The following GPD2 variants were observed in gnomAD, a reference collection of about 807,000 sequenced individuals.
The protein encoded by GPD2 is glycerol-3-phosphate dehydrogenase 2, also known as glycerol-3-phosphate dehydrogenase, mitochondrial.
Under a neutral mutation model 82.4 loss-of-function variants are expected in GPD2, and 54 were observed. The ratio of observed to expected loss-of-function variants is 0.66; its 90% CI spans 0.53 to 0.82. GPD2 has a LOEUF of 0.82. Ranked by LOEUF, GPD2 falls within the 40% of genes least tolerant of loss-of-function variation. The pLI, the probability that GPD2 is intolerant of heterozygous loss-of-function variation, is 0.00. For synonymous variants in GPD2, 288 were observed against 306.1 expected, an observed-to-expected ratio of 0.94 and a Z score of 0.62; for missense variants, 748 against 896.2, an observed-to-expected ratio of 0.83 and a Z score of 2.11.
the GPD2 span, among the ~76,000 whole-genome samples, chr2:156,403,114 CAA>C: frequency 4.0e-4 from 27 of 67,870 alleles, 1 homozygote; most frequent in African/African-American, 1.3e-3. Flanking sequence ...GCCCCTGTCT[CAA>C]AAAAAAAAAA....
intron 1 of GPD2, among the ~76,000 whole-genome samples, chr2:156,459,006 A>AAT (rs56055627): frequency 0.022 from 3,347 of 150,038 alleles, 109 homozygotes; most frequent in African/African-American, 0.076. Context: ...TTAAAATAGA[A>AAT]ATATATATAT....
chr2:156,411,089 C>T, the GPD2 span, among the ~76,000 whole-genome samples: 1 of 152,124 alleles, frequency 6.6e-6, no homozygotes, highest in Non-Finnish European at 1.5e-5. Context: ...TGTTGTCTAA[C>T]TTGAACAGCA....
intron 1 of GPD2, among the ~76,000 whole-genome samples, chr2:156,470,661 C>A (rs909582039): frequency 1.3e-5 from 2 of 152,134 alleles, no homozygotes; most frequent in African/African-American, 4.8e-5. Context: ...TGCATAGTTG[C>A]CTTGCCTATG....
chr2:156,476,268 A>C (rs1292340663), intron 2 of GPD2, 61 bp downstream of exon 2: 1 of 899,674 alleles, frequency 1.1e-6, no homozygotes, highest in Admixed American at 1.7e-5. Flanking sequence ...AGAGCTGTCT[A>C]TGGGGAATGT....
chr2:156,523,359 G>C (rs1304384944), intron 6 of GPD2, among the ~76,000 whole-genome samples: 1 of 152,016 alleles, frequency 6.6e-6, no homozygotes, highest in African/African-American at 2.4e-5. Context: ...AGCTACCATT[G>C]ATTTTTAAGT....
intron 13 of GPD2, among the ~76,000 whole-genome samples, chr2:156,574,408 C>G (rs116293600): frequency 0.013 from 2,023 of 152,062 alleles, 44 homozygotes; most frequent in African/African-American, 0.046. Flanking sequence ...GGAGACAGAC[C>G]CAATTCTCAC....
intron 1 of GPD2, among the ~76,000 whole-genome samples, chr2:156,459,250 A>G (rs1682895734): frequency 6.6e-6 from 1 of 152,044 alleles, no homozygotes; most frequent in South Asian, 2.1e-4. Context: ...TGCTTTTTCA[A>G]GTCAGAGTGG....
At chr2:156,503,406 A>G (rs1186783975) in intron 3 of GPD2, among the ~76,000 whole-genome samples, 3 of 152,148 alleles carry the variant, frequency 2.0e-5, no homozygotes, top group African/African-American at 7.2e-5. Flanking sequence ...TTGAGTTTTA[A>G]TCTTATTTTT....
chr2:156,483,289 G>A (rs1247851537), intron 2 of GPD2, among the ~76,000 whole-genome samples: 1 of 152,178 alleles, frequency 6.6e-6, no homozygotes, highest in Non-Finnish European at 1.5e-5. Context: ...GTTGTAGCGT[G>A]TGTAGGTTAT....
intron 6 of GPD2, among the ~76,000 whole-genome samples, chr2:156,533,755 T>G (rs1295700073): frequency 6.6e-6 from 1 of 152,230 alleles, no homozygotes; most frequent in East Asian, 1.9e-4. Context: ...GGGAGAGTTC[T>G]CTGACCCCCC....
At position 156,583,827 on chromosome 2, in the gene GPD2, T is replaced by C. The variant is rs987283652; in HGVS notation, c.*909T>C. The C allele has an allele frequency of 6.6e-6, 1 of 152,516 alleles. No homozygotes were observed. Among genetic ancestry groups the C allele is most frequent in the Non-Finnish European group, 1.5e-5 (1 of 67,996 alleles). 9.4% of individuals were successfully genotyped at this position (152,516 alleles called of 1,614,324 possible). A position where few individuals can be genotyped will look rare whatever the true frequency, so the allele number is the denominator to read the frequency against. ...AATACATTTAAGAGTTAAAAATGTG[T>C]TTTTATATATCCACATATGATAACA... On this transcript the variant is annotated 3_prime_UTR_variant, in exon 17 of 17. Coordinates refer to ENST00000438166, the MANE Select transcript of GPD2 (RefSeq NM_000408.5).
intron 6 of GPD2, 127 bp downstream of exon 6, chr2:156,513,623 G>A (rs1199455793): frequency 1.9e-5 from 14 of 748,560 alleles, no homozygotes; most frequent in South Asian, 1.7e-4. Context: ...ACAAACACAC[G>A]TGCACGCACA....
In GPD2 at chr2:156,579,002, G is replaced by T; in HGVS notation, c.1880+1G>T. ...GCCTACTGCCTTCAGACATTGACAG[G>T]TACTTATAATAAGTGTCTATCTATC... On this transcript the variant is annotated splice_donor_variant, in intron 14 of 16. Coordinates refer to ENST00000438166, the MANE Select transcript of GPD2 (RefSeq NM_000408.5). LOFTEE classifies it high-confidence loss of function. The T allele has an allele frequency of 6.4e-7, 1 of 1,574,650 alleles. No individual in the cohort carries two copies. The highest frequency in any genetic ancestry group is 2.2e-5 in the East Asian group (1 of 44,586).
At chr2:156,451,198 G>C (rs1005927820) in intron 1 of GPD2, among the ~76,000 whole-genome samples, 1 of 152,068 alleles carries the variant, frequency 6.6e-6, no homozygotes, top group Non-Finnish European at 1.5e-5. Flanking sequence ...CAGACGGGGT[G>C]GTGGCCGGGC....
intron 5 of GPD2, among the ~76,000 whole-genome samples, 192 bp from the exon 6 acceptor site, chr2:156,513,141 C>T (rs1211342149): frequency 2.0e-5 from 3 of 152,160 alleles, no homozygotes; most frequent in Non-Finnish European, 4.4e-5. Context: ...CATTTAAAAT[C>T]TCATTGATTT....
chr2:156,501,159 G>A (rs754541853), intron 3 of GPD2, among the ~76,000 whole-genome samples: 17 of 151,750 alleles, frequency 1.1e-4, no homozygotes, highest in Non-Finnish European at 2.4e-4. Flanking sequence ...TTCTTGGTGG[G>A]CCTGTAGAAA....
At chr2:156,420,863 G>C in the GPD2 span, among the ~76,000 whole-genome samples, 1 of 152,150 alleles carries the variant, frequency 6.6e-6, no homozygotes. Flanking sequence ...GAGATACAAG[G>C]CTCCTTGCTG....
At chr2:156,523,034 A>G (rs1315517038) in intron 6 of GPD2, among the ~76,000 whole-genome samples, 2 of 151,998 alleles carry the variant, frequency 1.3e-5, no homozygotes, top group East Asian at 3.9e-4. Context: ...CTCTCCCACT[A>G]TCAACATCCC....
intron 9 of GPD2, among the ~76,000 whole-genome samples, chr2:156,566,006 G>A (rs1329255701): frequency 6.6e-6 from 1 of 152,002 alleles, no homozygotes; most frequent in East Asian, 1.9e-4. Flanking sequence ...AGGGTTGAGT[G>A]GAAACTGAAA....
Sources: allele counts gnomAD v4.1 joint callset (sites outside exome capture counted in the v4.1 genomes callset), GRCh38; gene constraint gnomAD v4.1.1; transcripts MANE v1.5; gene names NCBI Gene and HGNC (gene_info 2026-07-23, HGNC 2026-07-21).